Variants in COL19A1 observed in about 807,000 individuals in gnomAD.
The protein encoded by COL19A1 is collagen alpha-1(XIX) chain.
In COL19A1, 159 loss-of-function variants were observed where a neutral mutation model predicts 190.2. The ratio of observed to expected loss-of-function variants is 0.84; its 90% CI spans 0.73 to 0.95. The LOEUF is 0.95. Ranked by LOEUF, COL19A1 falls within the 40% of genes least tolerant of loss-of-function variation. COL19A1 has a pLI of 0.00. For synonymous variants in COL19A1, 509 were observed against 458.9 expected (o/e 1.11, Z -1.39); for missense variants, 1,418 against 1,431.9 (o/e 0.99, Z 0.16).
At chr6:70,034,144 A>G in intron 12 of COL19A1, 101 bp from the exon 13 acceptor site, 2 of 811,934 alleles carry the variant, frequency 2.5e-6, no homozygotes, top group Non-Finnish European at 4.3e-6. Context: ...AGGAAGAATG[A>G]GATTTGGAGG....
In COL19A1 at chr6:70,186,398, C is replaced by T. The variant is rs1397922380; in HGVS notation, c.2856+1483C>T. 3.3e-5 allele frequency among the ~76,000 whole-genome samples: 5 copies of T among 152,144 alleles called. No individual in the cohort carries two copies. The East Asian group carries it at 9.6e-4, about 29-fold the overall frequency. ...TGAGCTGGAGTGACAGACCTGTATGCAGATATATTTTTATAACTAAGACAG... is the reference window on the plus strand; with the variant it reads ...TGAGCTGGAGTGACAGACCTGTATGTAGATATATTTTTATAACTAAGACAG... On this transcript the variant is annotated intron_variant, in intron 46 of 50. Transcript: ENST00000620364.
At chr6:70,167,930 A>G in intron 37 of COL19A1, 95 bp from the exon 38 acceptor site, 1 of 871,214 alleles carries the variant, frequency 1.1e-6, no homozygotes, top group East Asian at 2.6e-5. Context: ...AGTAAAAAAT[A>G]GAATAGGAAT....
intron 9 of COL19A1, among the ~76,000 whole-genome samples, chr6:69,950,491 G>A (rs906465372): frequency 4.0e-5 from 6 of 151,596 alleles, no homozygotes; most frequent in Non-Finnish European, 7.4e-5. Flanking sequence ...TAAGAGATTC[G>A]GTAAGTGTTC....
chr6:69,898,736 T>C (rs1173493748), intron 2 of COL19A1, among the ~76,000 whole-genome samples: 1 of 152,202 alleles, frequency 6.6e-6, no homozygotes, highest in African/African-American at 2.4e-5. Context: ...AAGTATTCAC[T>C]GTGAACCAAG....
At chr6:70,175,626 T>C (rs1018550002) in intron 41 of COL19A1, among the ~76,000 whole-genome samples, 7 of 152,142 alleles carry the variant, frequency 4.6e-5, no homozygotes, top group African/African-American at 1.7e-4. Context: ...TATTCCATTA[T>C]AGCTTTATTT....
chr6:70,017,363 A>G (rs1778171965), intron 11 of COL19A1, among the ~76,000 whole-genome samples: 1 of 152,154 alleles, frequency 6.6e-6, no homozygotes, highest in African/African-American at 2.4e-5. Flanking sequence ...GCACAAGGAA[A>G]CTTTTTTAGG....
At chr6:70,137,445 A>G (rs1785940688) in intron 18 of COL19A1, among the ~76,000 whole-genome samples, 1 of 152,206 alleles carries the variant, frequency 6.6e-6, no homozygotes. Flanking sequence ...GTTTCACATT[A>G]CATTTAAGTA....
At chr6:69,939,606 T>A (rs757352081) in intron 9 of COL19A1, among the ~76,000 whole-genome samples, 1 of 152,148 alleles carries the variant, frequency 6.6e-6, no homozygotes, top group Non-Finnish European at 1.5e-5. Flanking sequence ...TTTGATCAGG[T>A]ACTTCCACTT....
At chr6:69,900,194 A>C in intron 3 of COL19A1, 45 bp from the exon 4 acceptor site, 1 of 1,249,348 alleles carries the variant, frequency 8.0e-7, no homozygotes, top group Non-Finnish European at 1.1e-6. Context: ...AGAAATTAAC[A>C]TTTCTATTAG....
chr6:69,879,442 C>G (rs1034479440), intron 1 of COL19A1, 94 bp from the exon 2 acceptor site: 1 of 671,532 alleles, frequency 1.5e-6, no homozygotes. Context: ...TATGATGTAA[C>G]GTTGATTGGT....
intron 9 of COL19A1, among the ~76,000 whole-genome samples, chr6:69,955,660 C>T (rs1774376772): frequency 6.6e-6 from 1 of 151,538 alleles, no homozygotes; most frequent in South Asian, 2.1e-4. Flanking sequence ...CTGAGAGCCA[C>T]ATTTTAAAAG....
chr6:70,003,687 G>A (rs1164696460), intron 11 of COL19A1, among the ~76,000 whole-genome samples: 2 of 151,892 alleles, frequency 1.3e-5, no homozygotes, highest in African/African-American at 4.8e-5. Flanking sequence ...GTCAGACTAG[G>A]ATTGCAACCC....
At chr6:69,879,359 TATC>T (rs1157611121) in intron 1 of COL19A1, among the ~76,000 whole-genome samples, 174 bp from the exon 2 acceptor site, 1 of 152,208 alleles carries the variant, frequency 6.6e-6, no homozygotes, top group African/African-American at 2.4e-5. Flanking sequence ...TCAGAGCCCT[TATC>T]ATACAGATTA....
In COL19A1 at chr6:69,936,801, G is replaced by C; in HGVS notation, c.764G>C (p.Gly255Ala). The change falls in exon 8 of 51, where the codon GGC (glycine) becomes GCC (alanine). Residue 255 changes from glycine to alanine, a missense_variant. Physicochemically the swap from Gly to Ala is moderately conservative, Grantham distance 60. Transcript: ENST00000620364. ...ISDTKCPEQDGFGNIASSWVT... is the reference protein window; with the variant it reads ...ISDTKCPEQDAFGNIASSWVT... ...GGATTTTAGTGCCCAGAGCAGGATG[G>C]CTTTGGAAATATTGCATCATCATGG... The C allele has an allele frequency of 6.2e-7, 1 of 1,612,956 alleles. No homozygotes were observed. The highest frequency in any genetic ancestry group is 8.5e-7 in the Non-Finnish European group (1 of 1,179,190).
chr6:70,110,015 T>C (rs765059161), intron 16 of COL19A1, among the ~76,000 whole-genome samples: 2 of 152,186 alleles, frequency 1.3e-5, no homozygotes, highest in African/African-American at 4.8e-5. Flanking sequence ...CGTCTCCAAC[T>C]TTATTTACTA....
Position 69,873,795 on chromosome 6 carries a change from G to A in COL19A1, c.-32-5741G>A, listed in dbSNP as rs186174037. Among the ~76,000 whole-genome samples, 1,201 of 152,182 alleles carry A rather than the reference G, an allele frequency of 7.9e-3. 9 individuals carry two copies. Among genetic ancestry groups the A allele is most frequent in the Non-Finnish European group, 0.012 (820 of 68,020 alleles). On this transcript the variant is annotated intron_variant, in intron 1 of 50. Coordinates refer to ENST00000620364, the MANE Select transcript of COL19A1 (RefSeq NM_001858.6). ...ATTTGGGCAACACATTCAAATCATA[G>A]CACCAATATTCTCCATAGCCTTCTT...
At chr6:69,996,726 A>G (rs1776924842) in intron 11 of COL19A1, among the ~76,000 whole-genome samples, 1 of 152,008 alleles carries the variant, frequency 6.6e-6, no homozygotes, top group Non-Finnish European at 1.5e-5. Flanking sequence ...TTACTGAAAA[A>G]CTGTAACATA....
At chr6:70,202,593 G>C (rs982351258) in intron 49 of COL19A1, among the ~76,000 whole-genome samples, 1 of 152,138 alleles carries the variant, frequency 6.6e-6, no homozygotes, top group East Asian at 1.9e-4. Flanking sequence ...AAAGTATAAA[G>C]GGGTTTCATA....
rs766867170 is a variant in COL19A1, at chr6:69,929,592, T to C, written c.558T>C (p.Tyr186=). The change falls in exon 6 of 51, where the codon TAT becomes TAC. Residue 186 remains tyrosine, a synonymous_variant. Transcript: ENST00000620364. ...ISIQSQVISL[Y]MDCNLIARRQ... is the part of the protein sequence containing the mutation. ...TACAATCCCAGGTCATTTCACTTTA[T>C]ATGGATTGTAATTTAATTGCGAGGA... 25 of 1,614,002 alleles carry C rather than the reference T, an allele frequency of 1.5e-5. No individual in the cohort carries two copies. The East Asian group carries it at 4.7e-4, about 30-fold the overall frequency.
Sources: gnomAD v4.1 joint callset for allele counts (sites outside exome capture counted in the v4.1 genomes callset) on GRCh38, gnomAD v4.1.1 for gene constraint, MANE v1.5 for transcripts, NCBI Gene and HGNC (gene_info 2026-07-23, HGNC 2026-07-21) for gene names.